NRG1: variants seen among roughly 807,000 people sequenced by gnomAD.
NRG1 encodes pro-neuregulin-1, membrane-bound isoform.
A neutral mutation model predicts 63.8 loss-of-function variants in NRG1; 18 were observed. The observed-to-expected ratio is 0.28, with a 90% CI of 0.19 to 0.42. The LOEUF is 0.42. Ranked by LOEUF, NRG1 falls within the 10% of genes least tolerant of loss-of-function variation. The pLI is 1.00. For synonymous variants in NRG1, 302 were observed against 301.3 expected, an observed-to-expected ratio of 1.00 and a Z score of -0.02; for missense variants, 762 against 814.7, an observed-to-expected ratio of 0.94 and a Z score of 0.79.
chr8:32,481,858 G>A (rs2129493168), intron 1 of NRG1, among the ~76,000 whole-genome samples: 1 of 152,304 alleles, frequency 6.6e-6, no homozygotes, highest in Admixed American at 6.5e-5. Flanking sequence ...TCAAGTGAAT[G>A]GTGCCAGTGT....
At chr8:31,974,098 T>G (rs958346807) in intron 1 of NRG1, among the ~76,000 whole-genome samples, 1 of 152,164 alleles carries the variant, frequency 6.6e-6, no homozygotes, top group African/African-American at 2.4e-5. Flanking sequence ...ATGCTGAAAC[T>G]TGTCACGTTA....
intron 1 of NRG1, among the ~76,000 whole-genome samples, chr8:32,048,312 T>C (rs145166262): frequency 6.7e-6 from 1 of 149,952 alleles, no homozygotes; most frequent in Non-Finnish European, 1.5e-5. Flanking sequence ...CATACATATA[T>C]GTATGTATAT....
Position 31,903,720 on chromosome 8 carries a change from C to T in NRG1, c.37+264289C>T, listed in dbSNP as rs368587066. The stretch of plus-strand genomic sequence containing the variant: ...GTGTAATCCCAGCCCTTCGGGAGGC[C>T]GAGGTGGGCAGATCACTTGAGGTCA... On this transcript the variant is annotated intron_variant, in intron 1 of 10. Transcript: ENST00000519301. 5.3e-5 allele frequency among the ~76,000 whole-genome samples: 8 copies of T among 152,108 alleles called. No homozygotes were observed. The East Asian group carries it at 7.8e-4, about 15-fold the overall frequency.
chr8:32,283,820 C>A (rs543314155), intron 1 of NRG1, among the ~76,000 whole-genome samples: 34 of 152,238 alleles, frequency 2.2e-4, no homozygotes, highest in African/African-American at 7.5e-4. Flanking sequence ...TTTGGAATGG[C>A]CTGAGCTGAA....
intron 1 of NRG1, among the ~76,000 whole-genome samples, chr8:31,826,116 G>A (rs546268695): frequency 2.6e-5 from 4 of 152,232 alleles, no homozygotes; most frequent in East Asian, 1.9e-4. Flanking sequence ...TGGGATAAAA[G>A]GCTACATTTC....
At chr8:31,729,702 G>T (rs1005046608) in intron 1 of NRG1, among the ~76,000 whole-genome samples, 2 of 151,986 alleles carry the variant, frequency 1.3e-5, no homozygotes, top group African/African-American at 2.4e-5. Flanking sequence ...TACATACTAT[G>T]TAAGAAAATA....
At chr8:31,684,817 T>G (rs1385075989) in intron 1 of NRG1, among the ~76,000 whole-genome samples, 1 of 152,022 alleles carries the variant, frequency 6.6e-6, no homozygotes, top group Non-Finnish European at 1.5e-5. Flanking sequence ...ATACCAAATC[T>G]ACAAGTTCAC....
intron 1 of NRG1, among the ~76,000 whole-genome samples, chr8:31,705,810 A>G (rs2131218393): frequency 6.6e-6 from 1 of 152,336 alleles, no homozygotes; most frequent in Non-Finnish European, 1.5e-5. Context: ...GCTTTCAGAA[A>G]GAAAATCCCA....
At chr8:32,592,118 T>TC (rs1842640654) in intron 1 of NRG1, among the ~76,000 whole-genome samples, 1 of 150,784 alleles carries the variant, frequency 6.6e-6, no homozygotes, top group African/African-American at 2.5e-5. Flanking sequence ...TTTTTTTTTT[T>TC]CCTCTGTATG....
At chr8:32,429,063 T>C (rs1269734514) in intron 1 of NRG1, among the ~76,000 whole-genome samples, 7 of 152,154 alleles carry the variant, frequency 4.6e-5, no homozygotes, top group Non-Finnish European at 8.8e-5. Flanking sequence ...GGTATAGCCT[T>C]ATGCAAGCCA....
intron 1 of NRG1, among the ~76,000 whole-genome samples, chr8:32,594,475 C>G (rs1843023015): frequency 6.6e-6 from 1 of 152,052 alleles, no homozygotes; most frequent in South Asian, 2.1e-4. Context: ...TAAGAAATGT[C>G]TATGATAAAC....
At chr8:32,486,923 C>T (rs1825972454) in intron 1 of NRG1, among the ~76,000 whole-genome samples, 1 of 152,098 alleles carries the variant, frequency 6.6e-6, no homozygotes, top group African/African-American at 2.4e-5. Context: ...CTGTGCCCAA[C>T]CCAGAATTGC....
chr8:32,613,591 A>G (rs566987146), intron 3 of NRG1, among the ~76,000 whole-genome samples: 1 of 152,070 alleles, frequency 6.6e-6, no homozygotes, highest in South Asian at 2.1e-4. Flanking sequence ...GTTAGATCTC[A>G]TAATTTTTGT....
At chr8:32,633,542 T>C (rs1388340733) in intron 5 of NRG1, among the ~76,000 whole-genome samples, 1 of 152,170 alleles carries the variant, frequency 6.6e-6, no homozygotes, top group Non-Finnish European at 1.5e-5. Context: ...TAGACATGCA[T>C]ATACAATAAA....
At chr8:31,923,815 G>A (rs906157817) in intron 1 of NRG1, among the ~76,000 whole-genome samples, 1 of 152,006 alleles carries the variant, frequency 6.6e-6, no homozygotes, top group African/African-American at 2.4e-5. Flanking sequence ...ATCACTGGAG[G>A]AAGGCACATT....
At chr8:32,551,393 C>G (rs1455713477) in intron 1 of NRG1, among the ~76,000 whole-genome samples, 2 of 152,202 alleles carry the variant, frequency 1.3e-5, no homozygotes, top group Non-Finnish European at 2.9e-5. Context: ...AATAGCCAAG[C>G]CTCTCTTCAG....
At position 32,608,327 on chromosome 8, in the gene NRG1, C is replaced by G. The variant is rs115312851; in HGVS notation, c.400+2644C>G. Among the ~76,000 whole-genome samples, 1,044 of 150,894 alleles carry G rather than the reference C, an allele frequency of 6.9e-3. 13 individuals carry two copies. Among genetic ancestry groups the G allele is most frequent in the African/African-American group, 0.024 (974 of 41,076 alleles). ...CTGAGTAGCCAGGTGCATGCCATTA[C>G]GCCTGGCTAATTAAAAAAAAAAAAT... On this transcript the variant is annotated intron_variant, in intron 3 of 11. Coordinates refer to ENST00000356819, the Ensembl canonical transcript of NRG1.
chr8:31,650,826 T>G (rs147769293), intron 1 of NRG1, among the ~76,000 whole-genome samples: 1,565 of 152,326 alleles, frequency 0.01, 12 homozygotes, highest in Middle Eastern at 0.034. Flanking sequence ...AAAAGTGCCC[T>G]GGCCTCGAGT....
chr8:31,764,364 A>AT (rs906994230), intron 1 of NRG1, among the ~76,000 whole-genome samples: 1 of 152,116 alleles, frequency 6.6e-6, no homozygotes, highest in Non-Finnish European at 1.5e-5. Context: ...AGAATCCTTC[A>AT]TTTTGTGCTT....
Sources: allele counts gnomAD v4.1 joint callset (sites outside exome capture counted in the v4.1 genomes callset), GRCh38; gene constraint gnomAD v4.1.1; transcripts MANE v1.5; gene names NCBI Gene and HGNC (gene_info 2026-07-23, HGNC 2026-07-21).